The following CTDP1 variants were observed in gnomAD, a reference collection of about 807,000 sequenced individuals.
CTDP1 encodes the protein RNA polymerase II subunit A C-terminal domain phosphatase.
A neutral mutation model predicts 91.8 loss-of-function variants in CTDP1; 47 were observed. The observed-to-expected ratio is 0.51, with a 90% CI of 0.41 to 0.65. CTDP1 has a LOEUF of 0.65. Among genes scored for constraint, CTDP1 ranks in the 30% least tolerant of loss-of-function variants. The pLI is 0.00. For synonymous variants in CTDP1, 656 were observed against 598.5 expected, an observed-to-expected ratio of 1.10 and a Z score of -1.40; for missense variants, 1,272 against 1,373.7, an observed-to-expected ratio of 0.93 and a Z score of 1.17.
chr18:79,680,183 C>T lies in CTDP1; in HGVS notation c.236C>T (p.Pro79Leu), dbSNP rs1367440102. The T allele has an allele frequency of 1.2e-5, 17 of 1,383,014 alleles. No homozygotes were observed. Among genetic ancestry groups the T allele is most frequent in the Non-Finnish European group, 1.6e-5 (17 of 1,074,508 alleles). The allele number at this position is 1,383,014 out of a possible 1,614,324, so 85.7% of individuals were successfully genotyped here. A position where few individuals can be genotyped will look rare whatever the true frequency, so the allele number is the denominator to read the frequency against. ...GGGGGCTGCGTGCGCCCCGCGCGGCCGGAACGCAGGCTGAGGTCGGAGCGC... is the reference window on the plus strand; with the variant it reads ...GGGGGCTGCGTGCGCCCCGCGCGGCTGGAACGCAGGCTGAGGTCGGAGCGC... ...ASGGCVRPAR[P>L]ERRLRSERAG... Residue 79 changes from proline to leucine, a missense_variant, in exon 1 of 13, where the codon CCG (proline) becomes CTG (leucine). Pro to Leu is a moderately conservative substitution (Grantham distance 98). Around this residue, in one of 3 missense-constraint regions of CTDP1, gnomAD observed 214 missense variants for 179.1 expected, o/e 1.19. Transcript: ENST00000613122.
Position 79,728,920 on chromosome 18 carries a change from C to T in CTDP1, c.2431C>T (p.Pro811Ser), listed in dbSNP as rs778985766. 2.3e-5 allele frequency: 37 copies of T among 1,613,974 alleles called. No homozygotes were observed. The highest frequency in any genetic ancestry group is 2.6e-5 in the Non-Finnish European group (31 of 1,180,048). The change falls in exon 11 of 13, where the codon CCC becomes TCC. Residue 811 changes from proline (P) to serine (S), a missense_variant. Physicochemically the swap from Pro to Ser is moderately conservative, Grantham distance 74 (BLOSUM62 -1). Around this residue, in one of 3 missense-constraint regions of CTDP1, gnomAD observed 881 missense variants for 911.6 expected, o/e 0.97. Transcript: ENST00000613122. ...EPSSFRAVPP[P>S]QPQMFGEELP... Reference sequence around the variant, plus strand: ...AATTCCTTTCAGAGCGGTTCCGCCACCCCAGCCGCAGATGTTTGGTGAAGA... The same window carrying T: ...AATTCCTTTCAGAGCGGTTCCGCCATCCCAGCCGCAGATGTTTGGTGAAGA...
chr18:79,719,944 G>A (rs1444854117), intron 10 of CTDP1, among the ~76,000 whole-genome samples: 2 of 147,368 alleles, frequency 1.4e-5, no homozygotes, highest in East Asian at 2.1e-4. Context: ...CCCATCATTA[G>A]GAAGGCATCC....
chr18:79,729,561 C>T (rs1208843406), intron 11 of CTDP1, among the ~76,000 whole-genome samples: 3 of 152,252 alleles, frequency 2.0e-5, no homozygotes, highest in Admixed American at 6.5e-5. Flanking sequence ...CTCACAGCAT[C>T]TCGTTATCAC....
intron 3 of CTDP1, 105 bp from the exon 4 acceptor site, chr18:79,697,755 G>GGA: frequency 2.0e-6 from 3 of 1,536,196 alleles, no homozygotes; most frequent in Non-Finnish European, 2.7e-6. Flanking sequence ...GTGGGGGGCT[G>GGA]GAGGGGAACA....
chr18:79,704,610 G>T (rs2085927704), intron 4 of CTDP1, among the ~76,000 whole-genome samples, 157 bp from the exon 5 acceptor site: 1 of 152,246 alleles, frequency 6.6e-6, no homozygotes, highest in South Asian at 2.1e-4. Context: ...AGGCACCCGT[G>T]TGTCTTCAGG....
At chr18:79,714,305 C>G (rs2086147483) in intron 7 of CTDP1, among the ~76,000 whole-genome samples, 186 bp from the exon 8 acceptor site, 1 of 152,322 alleles carries the variant, frequency 6.6e-6, no homozygotes, top group South Asian at 2.1e-4. Context: ...CAAAACGTCC[C>G]TGGTCCCACG....
intron 1 of CTDP1, among the ~76,000 whole-genome samples, chr18:79,691,464 G>A (rs986053777): frequency 2.6e-5 from 4 of 152,024 alleles, no homozygotes; most frequent in African/African-American, 4.8e-5. Context: ...GGCAGGACTC[G>A]GGCTGGGGAA....
At chr18:79,747,386 G>A (rs771526400) in intron 12 of CTDP1, among the ~76,000 whole-genome samples, 5 of 152,224 alleles carry the variant, frequency 3.3e-5, no homozygotes, top group South Asian at 2.1e-4. Flanking sequence ...GGGGCCCTGC[G>A]GGAACTGGGA....
chr18:79,732,256 T>A (rs1292448027), intron 11 of CTDP1, among the ~76,000 whole-genome samples: 2 of 131,706 alleles, frequency 1.5e-5, no homozygotes, highest in African/African-American at 6.0e-5. Context: ...TGAGAAGTGC[T>A]CCCAAAATCA....
intron 11 of CTDP1, among the ~76,000 whole-genome samples, chr18:79,731,215 C>T (rs1192595979): frequency 6.6e-6 from 1 of 152,182 alleles, no homozygotes; most frequent in Admixed American, 6.5e-5. Context: ...GGATCTGGAA[C>T]CAGGGTCAAG....
chr18:79,738,432 G>C (rs955185081), intron 12 of CTDP1, among the ~76,000 whole-genome samples: 4 of 152,194 alleles, frequency 2.6e-5, no homozygotes, highest in Admixed American at 6.5e-5. Flanking sequence ...TCTGCATCCT[G>C]GTTTCCTCAC....
Position 79,679,906 on chromosome 18 carries a change from G to T in CTDP1, c.-42G>T. 7.4e-7 allele frequency: 1 copy of T among 1,355,690 alleles called. No individual in the cohort carries two copies. The highest frequency in any genetic ancestry group is 9.5e-7 in the Non-Finnish European group (1 of 1,051,972). 84.0% of individuals were successfully genotyped at this position (1,355,690 alleles called of 1,614,324 possible). Reference sequence around the variant, plus strand: ...CGGTAGGCGCTGCGCTCTGAGCGCAGCGCAGGCCCCGTACCGACCGCCCGC... The same window carrying T: ...CGGTAGGCGCTGCGCTCTGAGCGCATCGCAGGCCCCGTACCGACCGCCCGC... On this transcript the variant is annotated 5_prime_UTR_variant, in exon 1 of 13. Coordinates refer to ENST00000613122, the MANE Select transcript of CTDP1 (RefSeq NM_004715.5).
At chr18:79,755,830 TA>T (rs994470018), downstream of CTDP1, 1 of 152,722 alleles carries the variant, frequency 6.5e-6, no homozygotes, top group Admixed American at 6.5e-5. Flanking sequence ...GGGTCTGGCC[TA>T]GGGGTGAAGA....
At chr18:79,718,907 G>A (rs374375775) in intron 10 of CTDP1, among the ~76,000 whole-genome samples, 2 of 152,176 alleles carry the variant, frequency 1.3e-5, no homozygotes, top group South Asian at 2.1e-4. Flanking sequence ...GGGTGCTCAC[G>A]GTTAATGGGG....
chr18:79,705,372 ACGGT>A (rs1202184286), intron 5 of CTDP1, among the ~76,000 whole-genome samples: 27 of 152,304 alleles, frequency 1.8e-4, no homozygotes, highest in African/African-American at 6.5e-4. Context: ...ATGCCAGGCT[ACGGT>A]GCCCTCTGGG....
In CTDP1 at chr18:79,736,747, TG is replaced by T. The variant is rs10709142; in HGVS notation, c.2747+234del. On this transcript the variant is annotated intron_variant, in intron 12 of 12. Coordinates refer to ENST00000613122, the MANE Select transcript of CTDP1 (RefSeq NM_004715.5). ...CAGGCGTGTGAGGTGTGTGCAGGTGTGGGGGGGGATCTGTACATCTGCGCAG... is the reference window on the plus strand; with the variant it reads ...CAGGCGTGTGAGGTGTGTGCAGGTGTGGGGGGGATCTGTACATCTGCGCAG... 0.92 allele frequency among the ~76,000 whole-genome samples: 138,849 copies of T among 151,472 alleles called. 64,759 individuals carry two copies. The highest frequency in any genetic ancestry group is 1 in the East Asian group (5,104 of 5,110).
rs559688733 is a variant in CTDP1, at chr18:79,751,686, A to AT, written c.2748-1965dup. On this transcript the variant is annotated intron_variant, in intron 12 of 12. Coordinates refer to ENST00000613122, the MANE Select transcript of CTDP1 (RefSeq NM_004715.5). Reference sequence around the variant, plus strand: ...TTAGCCTCGAGTGCATGTGTGTTACATGCGTGCTGTGTGTGCGTGCAGGTG... The same window carrying AT: ...TTAGCCTCGAGTGCATGTGTGTTACATTGCGTGCTGTGTGTGCGTGCAGGTG... 1.6e-4 allele frequency among the ~76,000 whole-genome samples: 24 copies of AT among 152,134 alleles called. No homozygotes were observed. The East Asian group carries it at 4.0e-3, about 26-fold the overall frequency.
At chr18:79,741,227 T>A (rs55846819) in intron 12 of CTDP1, among the ~76,000 whole-genome samples, 1 of 143,172 alleles carries the variant, frequency 7.0e-6, no homozygotes, top group Non-Finnish European at 1.5e-5. Flanking sequence ...GTCCCCCGTG[T>A]GGTTGATCTG....
Position 79,679,957 on chromosome 18 carries a change from C to A in CTDP1, c.10C>A (p.Pro4Thr). 1.4e-6 allele frequency: 2 copies of A among 1,381,770 alleles called. No individual in the cohort carries two copies. Among genetic ancestry groups the A allele is most frequent in the Non-Finnish European group, 1.9e-6 (2 of 1,062,956 alleles). The allele number at this position is 1,381,770 out of a possible 1,614,324, so 85.6% of individuals were successfully genotyped here. A position where few individuals can be genotyped will look rare whatever the true frequency, so the allele number is the denominator to read the frequency against. Residue 4 changes from proline to threonine, a missense_variant, in exon 1 of 13, where the codon CCG (proline) becomes ACG (threonine). By Grantham distance (38) the Pro-to-Thr change is conservative. Transcript: ENST00000613122. MEVPAAGRVPAEGA... is the reference protein window; with the variant it reads MEVTAAGRVPAEGA... The stretch of plus-strand genomic sequence containing the variant: ...CCGCCCTCTGTCCGCGATGGAGGTG[C>A]CGGCCGCGGGTCGCGTTCCTGCCGA...
Sources: gnomAD v4.1 joint callset for allele counts (sites outside exome capture counted in the v4.1 genomes callset) on GRCh38, gnomAD v4.1.1 for gene constraint, gnomAD v4.1.1 regional missense constraint, MANE v1.5 for transcripts, NCBI Gene and HGNC (gene_info 2026-07-23, HGNC 2026-07-21) for gene names.